The following PLOD3 variants were observed in gnomAD, a reference collection of about 807,000 sequenced individuals.
The protein encoded by PLOD3 is multifunctional procollagen lysine hydroxylase and glycosyltransferase LH3.
In PLOD3, 73 loss-of-function variants were observed where a neutral mutation model predicts 96.9. That is an observed-to-expected ratio of 0.75 (90% CI 0.62 to 0.92). The LOEUF is 0.92. Ranked by LOEUF, PLOD3 falls within the 40% of genes least tolerant of loss-of-function variation. The probability of loss-of-function intolerance (pLI) is 0.00; values close to 1 mark genes in which losing one functional copy is unlikely to be tolerated. For synonymous variants in PLOD3, 454 were observed against 413.7 expected, an observed-to-expected ratio of 1.10 and a Z score of -1.18; for missense variants, 1,004 against 1,004.3, an observed-to-expected ratio of 1.00 and a Z score of 0.00.
chr7:101,211,738 G>C (rs1250882680), intron 11 of PLOD3, 22 bp from the exon 12 acceptor site: 1 of 1,599,332 alleles, frequency 6.3e-7, no homozygotes, highest in African/African-American at 1.3e-5. Flanking sequence ...TGGGGGTGAG[G>C]GCTGGGCAGA....
chr7:101,212,467 C>A (rs151289223), intron 9 of PLOD3, 63 bp downstream of exon 9: 5 of 1,588,720 alleles, frequency 3.1e-6, no homozygotes, highest in Non-Finnish European at 4.3e-6. Flanking sequence ...GGTGGGGGCA[C>A]GAGAGTTCTG....
chr7:101,206,939 C>T, intron 17 of PLOD3, 35 bp from the exon 18 acceptor site: 1 of 1,550,864 alleles, frequency 6.4e-7, no homozygotes, highest in South Asian at 1.2e-5. Context: ...GCAGGGACAG[C>T]TGCGGGCGCA....
At chr7:101,214,965 C>G (rs1018994557) in intron 6 of PLOD3, 124 bp downstream of exon 6, 1 of 795,302 alleles carries the variant, frequency 1.3e-6, no homozygotes. Flanking sequence ...GCCACTCAGA[C>G]GCCTGACAAA....
chr7:101,210,317 G>A lies in PLOD3; in HGVS notation c.1614+14C>T. On this transcript the variant is annotated intron_variant, in intron 14 of 18. Coordinates refer to ENST00000223127, the MANE Select transcript of PLOD3 (RefSeq NM_001084.5). ...GGGGAACCTGTGTGCTCTGGGCGTG[G>A]GGTCCCCACTCACGACGGGGTTGTC... The A allele has an allele frequency of 6.2e-7, 1 of 1,600,724 alleles. No homozygotes were observed. The highest frequency in any genetic ancestry group is 1.3e-5 in the African/African-American group (1 of 74,754).
chr7:101,215,936 G>A lies in PLOD3; in HGVS notation c.587C>T (p.Thr196Ile). 1 of 1,613,522 alleles carries A rather than the reference G, an allele frequency of 6.2e-7. No individual in the cohort carries two copies. The highest frequency in any genetic ancestry group is 8.5e-7 in the Non-Finnish European group (1 of 1,179,488). ...CAGTCCTGGGTCCAGGTAGAGCCGT[G>A]TGTAGAACAGCTGGTCGTCGTCATC... is the stretch of plus-strand genomic sequence containing the variant. ...KDDDDDQLFY[T>I]RLYLDPGLRE... Residue 196 changes from threonine to isoleucine, a missense_variant, in exon 5 of 19, where the codon ACA becomes ATA. Physicochemically the swap from Thr to Ile is moderately conservative, Grantham distance 89. Transcript: ENST00000223127.
rs1798197428 is a variant in PLOD3 at position 101,212,380 on chromosome 7, A to G, written c.1006-6T>C. The G allele has an allele frequency of 6.2e-7, 1 of 1,611,330 alleles. No individual in the cohort carries two copies. The highest frequency in any genetic ancestry group is 8.5e-7 in the Non-Finnish European group (1 of 1,179,076). On this transcript the variant is annotated splice_polypyrimidine_tract_variant and splice_region_variant and intron_variant, in intron 9 of 18. Coordinates refer to ENST00000223127, the MANE Select transcript of PLOD3 (RefSeq NM_001084.5). Reference sequence around the variant, plus strand: ...TGGGGTTCATGGAAGACCTCCTGGGAGGGGAAGACATAGGGGGATGGGCTC... The same window carrying G: ...TGGGGTTCATGGAAGACCTCCTGGGGGGGGAAGACATAGGGGGATGGGCTC...
chr7:101,209,984 C>T (rs1798155732), intron 15 of PLOD3, 109 bp downstream of exon 15: 1 of 629,514 alleles, frequency 1.6e-6, no homozygotes, highest in African/African-American at 1.8e-5. Flanking sequence ...AACAGAAAAC[C>T]CTCAGATCTC....
chr7:101,208,672 G>T (rs868316116), intron 16 of PLOD3, 181 bp downstream of exon 16: 3 of 621,018 alleles, frequency 4.8e-6, no homozygotes. Flanking sequence ...ACAGGCATGA[G>T]CCACTGTGCC....
chr7:101,216,292 G>C lies in PLOD3; in HGVS notation c.373C>G (p.Leu125Val). 1 of 1,613,454 alleles carries C rather than the reference G, an allele frequency of 6.2e-7. No homozygotes were observed. Among genetic ancestry groups the C allele is most frequent in the Non-Finnish European group, 8.5e-7 (1 of 1,180,046 alleles). ...DVILAGSPTE[L>V]LKKFVQSGSR... ...CCACTCTGGACGAACTTCTTCAGCA[G>C]CTCTGTGGGGCTGCCGGCCAGAATC... Residue 125 changes from leucine (L) to valine (V), a missense_variant, in exon 4 of 19, where the codon CTG becomes GTG. Physicochemically the swap from Leu to Val is conservative, Grantham distance 32. Around this residue, in one of 5 missense-constraint regions of PLOD3, gnomAD observed 690 missense variants for 650.2 expected, o/e 1.06. Coordinates refer to ENST00000223127, the MANE Select transcript of PLOD3 (RefSeq NM_001084.5).
intron 6 of PLOD3, 197 bp from the exon 7 acceptor site, chr7:101,213,401 C>T: frequency 1.6e-6 from 1 of 636,670 alleles, no homozygotes; most frequent in Non-Finnish European, 2.8e-6. Context: ...TGCCTACTAC[C>T]TGCGTGATCA....
In PLOD3 at chr7:101,211,859, TGAG is replaced by T. The variant is rs767532913; in HGVS notation, c.1216_1218del (p.Leu406del). 4.3e-6 allele frequency: 7 copies of T among 1,611,794 alleles called. No homozygotes were observed. In the East Asian group the frequency reaches 1.6e-4, roughly 36 times the overall value. ...GGGGTAAGCCACCTGTTCTCCTCAA[TGAG>T]GATACGCAGGGTCTGCAGGTTGGTG... is the stretch of plus-strand genomic sequence containing the variant. On this transcript the variant is annotated inframe_deletion, in exon 11 of 19. Transcript: ENST00000223127.
chr7:101,216,329 G>A lies in PLOD3; in HGVS notation c.339-3C>T. 6.2e-7 allele frequency: 1 copy of A among 1,613,338 alleles called. No homozygotes were observed. Among genetic ancestry groups the A allele is most frequent in the Non-Finnish European group, 8.5e-7 (1 of 1,180,024 alleles). ...TGCCGGCCAGAATCACGTCGTAGCT[G>A]GGTGAGGAAGGGGAGGATGGGCAGG... On this transcript the variant is annotated splice_region_variant and splice_polypyrimidine_tract_variant and intron_variant, in intron 3 of 18. Transcript: ENST00000223127.
chr7:101,217,087 T>C, intron 1 of PLOD3, 79 bp downstream of exon 1: 1 of 1,401,974 alleles, frequency 7.1e-7, no homozygotes, highest in Non-Finnish European at 9.4e-7. Flanking sequence ...TCCTCGAGCC[T>C]CCGACCCTCT....
At position 101,210,063 on chromosome 7, in the gene PLOD3, G is replaced by A. The variant is rs1171465829; in HGVS notation, c.1683+30C>T. On this transcript the variant is annotated intron_variant, in intron 15 of 18. Coordinates refer to ENST00000223127, the MANE Select transcript of PLOD3 (RefSeq NM_001084.5). ...CAAGAGGCGATGGCCATGAGGGCAG[G>A]GGGTGGGTGGGGAGGCTGCGTGGGC... 6 of 1,463,928 alleles carry A rather than the reference G, an allele frequency of 4.1e-6. No homozygotes were observed. In the African/African-American group the frequency reaches 4.2e-5, roughly 10 times the overall value. 90.7% of individuals were successfully genotyped at this position (1,463,928 alleles called of 1,614,324 possible).
At chr7:101,216,871 T>A in intron 1 of PLOD3, 85 bp from the exon 2 acceptor site, 2 of 900,134 alleles carry the variant, frequency 2.2e-6, no homozygotes. Context: ...TCACTCGACT[T>A]CCCTCCCTTT....
intron 10 of PLOD3, 110 bp downstream of exon 10, chr7:101,212,143 C>T: frequency 1.4e-6 from 2 of 1,430,814 alleles, no homozygotes; most frequent in Non-Finnish European, 1.9e-6. Context: ...TGGGGAGGCC[C>T]AGGAGGGGCT....
In PLOD3 at chr7:101,212,338, G is replaced by A; in HGVS notation, c.1042C>T (p.Pro348Ser). The A allele has an allele frequency of 6.2e-7, 1 of 1,613,688 alleles. No individual in the cohort carries two copies. Among genetic ancestry groups the A allele is most frequent in the East Asian group, 2.2e-5 (1 of 44,880 alleles). ...GCTGAGAAGTGGTCCTGGAGCTGCG[G>A]CCAGGAGTCAGCGATGTGGGGTTCA... ...FHEPHIADSW[P>S]QLQDHFSAVK... Residue 348 changes from proline to serine, a missense_variant, in exon 10 of 19, where the codon CCG becomes TCG. By Grantham distance (74) the Pro-to-Ser change is moderately conservative. Transcript: ENST00000223127.
Position 101,210,460 on chromosome 7 carries a change from G to A in PLOD3, c.1501-16C>T, listed in dbSNP as rs1271128356. 11 of 1,613,716 alleles carry A rather than the reference G, an allele frequency of 6.8e-6. No individual in the cohort carries two copies. Among genetic ancestry groups the A allele is most frequent in the Non-Finnish European group, 8.5e-6 (10 of 1,179,752 alleles). On this transcript the variant is annotated splice_polypyrimidine_tract_variant and intron_variant, in intron 13 of 18. Transcript: ENST00000223127. ...GGAAGATGCCCTGTAGTGGGGTGGGGGTGTCCGTGATGCAGGCGATGCCTG... is the reference window on the plus strand; with the variant it reads ...GGAAGATGCCCTGTAGTGGGGTGGGAGTGTCCGTGATGCAGGCGATGCCTG...
chr7:101,212,105 G>C (rs1798192896), intron 10 of PLOD3, 148 bp downstream of exon 10: 1 of 1,160,788 alleles, frequency 8.6e-7, no homozygotes, highest in Admixed American at 1.8e-5. Context: ...GGGCAGGAGT[G>C]ACAGCATGGG....
Sources: allele counts gnomAD v4.1 joint callset, GRCh38; gene constraint gnomAD v4.1.1; regional missense constraint gnomAD v4.1.1; transcripts MANE v1.5; gene names NCBI Gene and HGNC (gene_info 2026-07-23, HGNC 2026-07-21).